WT1: variants seen among roughly 807,000 people sequenced by gnomAD.
WT1 encodes Wilms tumor protein.
A neutral mutation model predicts 60.8 loss-of-function variants in WT1; 8 were observed. The ratio of observed to expected loss-of-function variants is 0.13; its 90% CI spans 0.08 to 0.24. The LOEUF is 0.24. Among genes scored for constraint, WT1 ranks in the 10% least tolerant of loss-of-function variants. WT1 has a pLI of 1.00. For synonymous variants in WT1, 312 were observed against 297.1 expected (o/e 1.05, Z -0.52); for missense variants, 568 against 711.8 (o/e 0.80, Z 2.30).
intron 3 of WT1, among the ~76,000 whole-genome samples, chr11:32,421,209 C>T (rs1255300447): frequency 1.3e-5 from 2 of 152,250 alleles, no homozygotes; most frequent in Non-Finnish European, 2.9e-5. Flanking sequence ...CAACACCCAG[C>T]TCTCATCATG....
intron 5 of WT1, among the ~76,000 whole-genome samples, chr11:32,410,629 T>A (rs1173061970): frequency 6.6e-6 from 1 of 152,218 alleles, no homozygotes; most frequent in Non-Finnish European, 1.5e-5. Flanking sequence ...CTCTTTATAA[T>A]GTTTTGGTCC....
intron 1 of WT1, among the ~76,000 whole-genome samples, chr11:32,433,065 G>A (rs552188298): frequency 1.3e-5 from 2 of 152,246 alleles, no homozygotes; most frequent in South Asian, 4.1e-4. Context: ...ATAACTTCAA[G>A]CCGGACCCAA....
At chr11:32,418,902 G>T (rs1424693860) in intron 3 of WT1, among the ~76,000 whole-genome samples, 1 of 152,200 alleles carries the variant, frequency 6.6e-6, no homozygotes, top group Admixed American at 6.5e-5. Flanking sequence ...GGATAAGGAG[G>T]AAATCAGATT....
intron 3 of WT1, among the ~76,000 whole-genome samples, chr11:32,418,581 A>G (rs5030193): frequency 6.6e-6 from 1 of 152,250 alleles, no homozygotes; most frequent in South Asian, 2.1e-4. Context: ...CAGAAATGAA[A>G]AAAGATAAGA....
At chr11:32,406,294 T>C (rs1318995165) in intron 5 of WT1, among the ~76,000 whole-genome samples, 1 of 152,122 alleles carries the variant, frequency 6.6e-6, no homozygotes, top group Admixed American at 6.6e-5. Flanking sequence ...ATTAGTTAGA[T>C]TCTTATAAGG....
chr11:32,389,227 C>T (rs1174119149), intron 9 of WT1, 48 bp from the exon 10 acceptor site: 7 of 1,613,570 alleles, frequency 4.3e-6, no homozygotes, highest in Middle Eastern at 1.7e-4. Flanking sequence ...AAGAGACAGG[C>T]ACAAGTTCAA....
At position 32,435,308 on chromosome 11, in the gene WT1, G is replaced by A. The variant is rs1853481284; in HGVS notation, c.53C>T (p.Ala18Val). Residue 18 changes from alanine (A) to valine (V), a missense_variant, in exon 1 of 10, where the codon GCG (alanine) becomes GTG (valine). Physicochemically the swap from Ala to Val is moderately conservative, Grantham distance 64. Around this residue, in one of 3 missense-constraint regions of WT1, gnomAD observed 523 missense variants for 565.1 expected, o/e 0.93. Coordinates refer to ENST00000452863, the MANE Select transcript of WT1 (RefSeq NM_024426.6). ...CCCGGAGCGGAGCGTGTGCTGAGAC[G>A]CCGGCTCCGGGACACACGTGGAAGC... The A allele has an allele frequency of 6.5e-7, 1 of 1,533,018 alleles. No individual in the cohort carries two copies. Among genetic ancestry groups the A allele is most frequent in the African/African-American group, 1.4e-5 (1 of 72,974 alleles). The allele number at this position is 1,533,018 out of a possible 1,614,324, so 95.0% of individuals were successfully genotyped here.
chr11:32,399,924 G>T, intron 6 of WT1, 24 bp downstream of exon 6: 4 of 1,611,742 alleles, frequency 2.5e-6, no homozygotes, highest in Admixed American at 1.7e-5. Flanking sequence ...CCCCCTTCCC[G>T]CTGGGGCCTG....
At chr11:32,430,649 A>G in intron 1 of WT1, 6 of 1,496,738 alleles carry the variant, frequency 4.0e-6, no homozygotes, top group Admixed American at 2.2e-5. Flanking sequence ...CGCGGCACCC[A>G]CTCTCGAGAC....
intron 5 of WT1, among the ~76,000 whole-genome samples, chr11:32,403,895 C>T: frequency 6.6e-6 from 1 of 151,770 alleles, no homozygotes; most frequent in East Asian, 2.0e-4. Flanking sequence ...TACTATTTTA[C>T]AGCCATCTGT....
intron 1 of WT1, chr11:32,430,487 A>AGAGAGAGAGAGAGAGAGAGAGAGAGAGG (rs753290941): frequency 6.3e-7 from 1 of 1,591,040 alleles, no homozygotes; most frequent in South Asian, 1.1e-5. Context: ...AGAGAGAGAG[A>AGAGAGAGAGAGAGAGAGAGAGAGAGAGG]GAGACGAAAT....
intron 3 of WT1, among the ~76,000 whole-genome samples, chr11:32,425,180 G>GAAAAA (rs10540778): frequency 1.4e-4 from 17 of 119,264 alleles, no homozygotes; most frequent in Non-Finnish European, 1.0e-4. Context: ...GTCTCGAAAA[G>GAAAAA]AAAAAAAAAA....
intron 7 of WT1, among the ~76,000 whole-genome samples, chr11:32,393,097 AG>A (rs1160828427): frequency 6.6e-6 from 1 of 152,232 alleles, no homozygotes; most frequent in East Asian, 1.9e-4. Context: ...CTGGCATAGA[AG>A]GCGTGCTCAA....
chr11:32,432,888 C>T (rs754217879), intron 1 of WT1, among the ~76,000 whole-genome samples: 2 of 152,326 alleles, frequency 1.3e-5, no homozygotes, highest in Middle Eastern at 3.4e-3. Context: ...GTATTTTGTG[C>T]CCCAGGGGCA....
At chr11:32,409,191 G>GA (rs200077484) in intron 5 of WT1, among the ~76,000 whole-genome samples, 2,090 of 152,186 alleles carry the variant, frequency 0.014, 54 homozygotes, top group African/African-American at 0.048. Context: ...ATTTGCTTGA[G>GA]TGTGACATGC....
chr11:32,414,223 CT>C (rs1213403621), intron 5 of WT1, among the ~76,000 whole-genome samples: 1 of 152,190 alleles, frequency 6.6e-6, no homozygotes, highest in Non-Finnish European at 1.5e-5. Flanking sequence ...TTTATAACAG[CT>C]CCCTGAATAA....
chr11:32,429,241 C>T (rs1056931742), intron 1 of WT1, among the ~76,000 whole-genome samples: 6 of 152,218 alleles, frequency 3.9e-5, no homozygotes, highest in Non-Finnish European at 7.3e-5. Context: ...TCCAGTTGGG[C>T]CTTCAGATGG....
intron 4 of WT1, among the ~76,000 whole-genome samples, chr11:32,417,193 A>G (rs1852701789): frequency 6.6e-6 from 1 of 152,184 alleles, no homozygotes; most frequent in South Asian, 2.1e-4. Flanking sequence ...TCACACAAAT[A>G]CAAATTTGGA....
rs914117881 is a variant in WT1, at chr11:32,388,358, A to G, written c.*700T>C. The G allele has an allele frequency of 4.3e-6, 1 of 233,526 alleles. No individual in the cohort carries two copies. Among genetic ancestry groups the G allele is most frequent in the African/African-American group, 2.2e-5 (1 of 45,354 alleles). The allele number at this position is 233,526 out of a possible 1,614,324, so 14.5% of individuals were successfully genotyped here. On this transcript the variant is annotated 3_prime_UTR_variant, in exon 10 of 10. Coordinates refer to ENST00000452863, the MANE Select transcript of WT1 (RefSeq NM_024426.6). ...ATACACAAAAAAATCTCAGATCTTC[A>G]TAGTTTCTTAAGAGCAGTGTGCCAG...
Sources: allele counts gnomAD v4.1 joint callset (sites outside exome capture counted in the v4.1 genomes callset), GRCh38; gene constraint gnomAD v4.1.1; regional missense constraint gnomAD v4.1.1; transcripts MANE v1.5; gene names NCBI Gene and HGNC (gene_info 2026-07-23, HGNC 2026-07-21).